The following RPL28 variants were observed in gnomAD, a reference collection of about 807,000 sequenced individuals.
RPL28 encodes the protein ribosomal protein L28.
RPL28 carries 4 observed loss-of-function variants against 12.5 expected under a neutral mutation model. That is an observed-to-expected ratio of 0.32 (90% CI 0.16 to 0.73). The LOEUF is 0.73. Among genes scored for constraint, RPL28 ranks in the 30% least tolerant of loss-of-function variants. The pLI is 0.66. For missense variants in RPL28, 214 were observed against 197.7 expected (o/e 1.08, Z -0.49); for synonymous variants, 91 against 72.5 (o/e 1.26, Z -1.30).
Position 55,391,181 on chromosome 19 carries a change from C to A in RPL28, c.*2849C>A. 1 of 207,600 alleles carries A rather than the reference C, an allele frequency of 4.8e-6. No homozygotes were observed. The allele number at this position is 207,600 out of a possible 1,614,324, so 12.9% of individuals were successfully genotyped here. Reference sequence around the variant, plus strand: ...AACCTCCCCCAGGTCATCCTATCCCCAAGAGTGATGCCCGGCAGCATTCCC... The same window carrying A: ...AACCTCCCCCAGGTCATCCTATCCCAAAGAGTGATGCCCGGCAGCATTCCC... On this transcript the variant is annotated 3_prime_UTR_variant, in exon 5 of 5. Transcript: ENST00000344063.
At position 55,388,422 on chromosome 19, in the gene RPL28, C is replaced by A; in HGVS notation, c.*90C>A. 7.2e-7 allele frequency: 1 copy of A among 1,389,676 alleles called. No individual in the cohort carries two copies. The highest frequency in any genetic ancestry group is 1.7e-5 in the South Asian group (1 of 57,538). 86.1% of individuals were successfully genotyped at this position (1,389,676 alleles called of 1,614,324 possible). ...TTTGAAACGCTCTGGGGAGCTCTGG[C>A]CCTGTGTGTTGTCATTCAGGCCATG... On this transcript the variant is annotated 3_prime_UTR_variant, in exon 5 of 5. Transcript: ENST00000344063.
downstream of RPL28, among the ~76,000 whole-genome samples, chr19:55,395,057 A>G (rs562344353): frequency 5.9e-5 from 9 of 152,338 alleles, no homozygotes; most frequent in African/African-American, 1.9e-4. Flanking sequence ...ACAATATGCA[A>G]ACATTTGTCT....
rs1045739594 is a variant in RPL28 at position 55,392,073 on chromosome 19, A to G, written c.*3741A>G. On this transcript the variant is annotated 3_prime_UTR_variant, in exon 5 of 5. Coordinates refer to ENST00000344063, the MANE Select transcript of RPL28 (RefSeq NM_000991.5). ...TGTAGCCAGTTACTAGAATAAAATC[A>G]TCTACTTTAAAATCTTTCATTATGA... 2.0e-6 allele frequency: 2 copies of G among 1,012,224 alleles called. No individual in the cohort carries two copies. Among genetic ancestry groups the G allele is most frequent in the Non-Finnish European group, 2.4e-6 (2 of 847,900 alleles). 62.7% of individuals were successfully genotyped at this position (1,012,224 alleles called of 1,614,324 possible).
Position 55,399,810 on chromosome 19 carries a change from A to G in RPL28, c.325-3133A>G, listed in dbSNP as rs2090044430. On this transcript the variant is annotated intron_variant, in intron 4 of 4. Coordinates refer to the RPL28 transcript ENST00000560055. ...ATTTCAGTGGGTTCCGAGGCCCAGG[A>G]TGCAGGCACCTTCCTTCAGCAAGGA... 2 of 152,230 alleles carry G rather than the reference A, an allele frequency of 1.3e-5. 1 individual carries two copies. Among genetic ancestry groups the G allele is most frequent in the South Asian group, 4.1e-4 (2 of 4,836 alleles). The allele number at this position is 152,230 out of a possible 1,614,324, so 9.4% of individuals were successfully genotyped here.
chr19:55,393,805 C>A (rs992553207), downstream of RPL28, among the ~76,000 whole-genome samples: 1 of 151,520 alleles, frequency 6.6e-6, no homozygotes, highest in African/African-American at 2.4e-5. Flanking sequence ...CCCGCCACCA[C>A]GCCTGGCTAA....
intron 3 of RPL28, 36 bp from the exon 4 acceptor site, chr19:55,387,894 T>A: frequency 6.5e-7 from 1 of 1,528,276 alleles, no homozygotes; most frequent in African/African-American, 1.4e-5. Flanking sequence ...GCAGGTTAGG[T>A]GGACTGACCC....
chr19:55,391,476 A>G lies in RPL28; in HGVS notation c.*3144A>G, dbSNP rs2089989164. On this transcript the variant is annotated 3_prime_UTR_variant, in exon 5 of 5. Transcript: ENST00000344063. ...CGCACCCTGGAAGGCTGCCAAGCCC[A>G]AAGTTGTGCAGAGCGCTGGGGACTC... The G allele has an allele frequency of 7.3e-7, 1 of 1,374,922 alleles. No homozygotes were observed. Among genetic ancestry groups the G allele is most frequent in the Non-Finnish European group, 9.5e-7 (1 of 1,052,950 alleles). The allele number at this position is 1,374,922 out of a possible 1,614,324, so 85.2% of individuals were successfully genotyped here.
chr19:55,387,574 G>A, intron 3 of RPL28: 1 of 1,420,168 alleles, frequency 7.0e-7, no homozygotes, highest in Admixed American at 3.0e-5. Flanking sequence ...CTGTGGGGAT[G>A]GGCCTGGGGT....
chr19:55,386,752 A>AT lies in RPL28; in HGVS notation c.205+65dup, dbSNP rs57266467. 6.1e-3 allele frequency: 9,809 copies of AT among 1,611,090 alleles called. 538 individuals carry two copies. In the African/African-American group the frequency reaches 0.11, roughly 19 times the overall value. ...CCCTTTCCCGGGTCTGGGAGCTGTGATTTTTTACTGTCAGGCAGGAAGAGC... is the reference window on the plus strand; with the variant it reads ...CCCTTTCCCGGGTCTGGGAGCTGTGATTTTTTTACTGTCAGGCAGGAAGAGC... On this transcript the variant is annotated intron_variant, in intron 3 of 4. Transcript: ENST00000344063.
rs150642428 is a variant in RPL28, at chr19:55,387,990, C to T, written c.266C>T (p.Thr89Met). The T allele has an allele frequency of 1.8e-5, 29 of 1,611,488 alleles. No homozygotes were observed. Among genetic ancestry groups the T allele is most frequent in the South Asian group, 8.8e-5 (8 of 90,846 alleles). Reference sequence around the variant, plus strand: ...ACCATCAACAAGAATGCTCGCGCCACGCTCAGCAGCATCAGACACATGATC... The same window carrying T: ...ACCATCAACAAGAATGCTCGCGCCATGCTCAGCAGCATCAGACACATGATC... Reference protein sequence around the residue: ...RTTINKNARATLSSIRHMIRK... With the variant: ...RTTINKNARAMLSSIRHMIRK... The change falls in exon 4 of 5, where the codon ACG becomes ATG. Residue 89 changes from threonine (T) to methionine (M), a missense_variant. By Grantham distance (81) the Thr-to-Met change is moderately conservative. Coordinates refer to ENST00000344063, the MANE Select transcript of RPL28 (RefSeq NM_000991.5).
chr19:55,390,242 G>T lies in RPL28; in HGVS notation c.*1910G>T, dbSNP rs981034075. The T allele has an allele frequency of 8.2e-6, 8 of 979,590 alleles. No homozygotes were observed. Among genetic ancestry groups the T allele is most frequent in the Admixed American group, 6.1e-5 (1 of 16,264 alleles). 60.7% of individuals were successfully genotyped at this position (979,590 alleles called of 1,614,324 possible). ...TCTGGAGATGGAGTCTCGCTCTGTT[G>T]CCCAGGCTGGCGAGTGCAATGGCGC... On this transcript the variant is annotated 3_prime_UTR_variant, in exon 5 of 5. Transcript: ENST00000344063.
chr19:55,399,192 A>T (rs958291539), intron 4 of RPL28, among the ~76,000 whole-genome samples: 3 of 150,150 alleles, frequency 2.0e-5, no homozygotes, highest in Non-Finnish European at 4.4e-5. Flanking sequence ...TTTGAGACAG[A>T]GTCTCGCTCT....
chr19:55,389,556 T>C lies in RPL28; in HGVS notation c.*1224T>C. Reference sequence around the variant, plus strand: ...CGGCTCTGACTGAGAGTAAGGGGACTGTCAGGGCCTCGACTTGCCATTGGT... The same window carrying C: ...CGGCTCTGACTGAGAGTAAGGGGACCGTCAGGGCCTCGACTTGCCATTGGT... On this transcript the variant is annotated 3_prime_UTR_variant, in exon 5 of 5. Coordinates refer to ENST00000344063, the MANE Select transcript of RPL28 (RefSeq NM_000991.5). The C allele has an allele frequency of 2.0e-5, 20 of 985,472 alleles. No homozygotes were observed. Among genetic ancestry groups the C allele is most frequent in the Non-Finnish European group, 2.0e-5 (17 of 829,950 alleles). The allele number at this position is 985,472 out of a possible 1,614,324, so 61.0% of individuals were successfully genotyped here.
At position 55,388,777 on chromosome 19, in the gene RPL28, G is replaced by T. The variant is rs755968653; in HGVS notation, c.*445G>T. 3.0e-6 allele frequency: 3 copies of T among 998,154 alleles called. No individual in the cohort carries two copies. Among genetic ancestry groups the T allele is most frequent in the Non-Finnish European group, 3.6e-6 (3 of 838,912 alleles). 61.8% of individuals were successfully genotyped at this position (998,154 alleles called of 1,614,324 possible). The stretch of plus-strand genomic sequence containing the variant: ...AGACCTGGGGGACGACAGACATCAC[G>T]GGAGGAAGATGAGATGACTTTTGCA... On this transcript the variant is annotated 3_prime_UTR_variant, in exon 5 of 5. Transcript: ENST00000344063.
rs2089961078 is a variant in RPL28, at chr19:55,388,751, A to G, written c.*419A>G. The G allele has an allele frequency of 1.2e-5, 12 of 1,012,104 alleles. No individual in the cohort carries two copies. The highest frequency in any genetic ancestry group is 1.3e-5 in the Non-Finnish European group (11 of 848,178). The allele number at this position is 1,012,104 out of a possible 1,614,324, so 62.7% of individuals were successfully genotyped here. On this transcript the variant is annotated 3_prime_UTR_variant, in exon 5 of 5. Coordinates refer to ENST00000344063, the MANE Select transcript of RPL28 (RefSeq NM_000991.5). Reference sequence around the variant, plus strand: ...CGGTTTGGGGACTTGGGGTGTTCCCAAGACCTGGGGGACGACAGACATCAC... The same window carrying G: ...CGGTTTGGGGACTTGGGGTGTTCCCGAGACCTGGGGGACGACAGACATCAC...
chr19:55,388,338 C>T lies in RPL28; in HGVS notation c.*6C>T. ...GCCCCACCAAGAGCTCCTGAGCCCCCTGCCCCCAGAGCAATAAAGTCAGCT... is the reference window on the plus strand; with the variant it reads ...GCCCCACCAAGAGCTCCTGAGCCCCTTGCCCCCAGAGCAATAAAGTCAGCT... On this transcript the variant is annotated 3_prime_UTR_variant, in exon 5 of 5. Coordinates refer to ENST00000344063, the MANE Select transcript of RPL28 (RefSeq NM_000991.5). 5 of 1,528,526 alleles carry T rather than the reference C, an allele frequency of 3.3e-6. No homozygotes were observed. Among genetic ancestry groups the T allele is most frequent in the Non-Finnish European group, 4.4e-6 (5 of 1,141,942 alleles). 94.7% of individuals were successfully genotyped at this position (1,528,526 alleles called of 1,614,324 possible).
intron 3 of RPL28, 145 bp downstream of exon 3, chr19:55,386,838 CCT>C (rs1600301074): frequency 9.6e-6 from 15 of 1,570,400 alleles, no homozygotes; most frequent in East Asian, 2.4e-5. Context: ...TACCGGCTTC[CCT>C]CTCGGCCGAC....
In RPL28 at chr19:55,403,008, C is replaced by T. The variant is rs763682635; in HGVS notation, c.390C>T (p.Arg130=). ...TGGAGCACCAGCCTAGACCAGGACGCCTCCACCTCAGCAACACCGCAGCCA... is the reference window on the plus strand; with the variant it reads ...TGGAGCACCAGCCTAGACCAGGACGTCTCCACCTCAGCAACACCGCAGCCA... Residue 130 remains arginine, a synonymous_variant, in exon 5 of 5, where the codon CGC becomes CGT. Coordinates refer to the RPL28 transcript ENST00000560055. 3.3e-6 allele frequency: 5 copies of T among 1,530,314 alleles called. No individual in the cohort carries two copies. In the South Asian group the frequency reaches 6.0e-5, roughly 18 times the overall value. 94.8% of individuals were successfully genotyped at this position (1,530,314 alleles called of 1,614,324 possible). A position where few individuals can be genotyped will look rare whatever the true frequency, so the allele number is the denominator to read the frequency against.
chr19:55,401,009 T>C lies in RPL28; in HGVS notation c.325-1934T>C, dbSNP rs559374045. 8 of 194,512 alleles carry C rather than the reference T, an allele frequency of 4.1e-5. No homozygotes were observed. The East Asian group carries it at 9.0e-4, about 22-fold the overall frequency. The allele number at this position is 194,512 out of a possible 1,614,324, so 12.0% of individuals were successfully genotyped here. On this transcript the variant is annotated intron_variant, in intron 4 of 4. Transcript: ENST00000560055. ...GGCCATTATTCTAGAGGGAGAAGTATAGGGCAGTGCCGCTCAGGCCACCAG... is the reference window on the plus strand; with the variant it reads ...GGCCATTATTCTAGAGGGAGAAGTACAGGGCAGTGCCGCTCAGGCCACCAG...
Sources: gnomAD v4.1 joint callset for allele counts (sites outside exome capture counted in the v4.1 genomes callset) on GRCh38, gnomAD v4.1.1 for gene constraint, MANE v1.5 for transcripts, NCBI Gene and HGNC (gene_info 2026-07-23, HGNC 2026-07-21) for gene names.